The following IPCEF1 variants were observed in gnomAD, a reference collection of about 807,000 sequenced individuals.
The protein encoded by IPCEF1 is interactor protein for cytohesin exchange factors 1.
Under a neutral mutation model 50.9 loss-of-function variants are expected in IPCEF1, and 31 were observed. The observed-to-expected ratio is 0.61, with a 90% confidence interval of 0.46 to 0.82. The LOEUF is 0.82. Among genes scored for constraint, IPCEF1 ranks in the 40% least tolerant of loss-of-function variants. The pLI is 0.00. For synonymous variants in IPCEF1, 181 were observed against 192.0 expected (o/e 0.94, Z 0.47); for missense variants, 458 against 514.0 (o/e 0.89, Z 1.05).
At chr6:154,225,090 T>C (rs939903392) in intron 5 of IPCEF1, among the ~76,000 whole-genome samples, 1 of 152,186 alleles carries the variant, frequency 6.6e-6, no homozygotes, top group African/African-American at 2.4e-5. Flanking sequence ...AAGTGCCTTA[T>C]ATTTCAGAAT....
intron 2 of IPCEF1, 89 bp from the exon 3 acceptor site, chr6:154,266,053 C>A: frequency 1.4e-6 from 1 of 737,568 alleles, no homozygotes; most frequent in Non-Finnish European, 2.3e-6. Flanking sequence ...GAAAATACTT[C>A]TATTGTGATT....
At chr6:154,320,027 C>T (rs905263732) in intron 1 of IPCEF1, among the ~76,000 whole-genome samples, 1 of 152,160 alleles carries the variant, frequency 6.6e-6, no homozygotes, top group African/African-American at 2.4e-5. Context: ...AGAATATTCC[C>T]TTCCGAGCAC....
chr6:154,204,109 G>A (rs774053131), intron 9 of IPCEF1, among the ~76,000 whole-genome samples: 31 of 152,052 alleles, frequency 2.0e-4, no homozygotes, highest in South Asian at 4.1e-4. Context: ...AAAAATCTTC[G>A]TTCTAGTTAA....
intron 1 of IPCEF1, among the ~76,000 whole-genome samples, chr6:154,293,541 A>G (rs568381656): frequency 6.6e-6 from 1 of 152,372 alleles, no homozygotes; most frequent in South Asian, 2.1e-4. Context: ...AAGAGCAATT[A>G]GAGCCATTTA....
At chr6:154,251,202 T>C (rs1168908140) in intron 3 of IPCEF1, among the ~76,000 whole-genome samples, 1 of 152,070 alleles carries the variant, frequency 6.6e-6, no homozygotes, top group Non-Finnish European at 1.5e-5. Flanking sequence ...GTCATAGTAG[T>C]GGATAATGAA....
intron 11 of IPCEF1, among the ~76,000 whole-genome samples, chr6:154,162,767 C>G (rs1799127632): frequency 6.6e-6 from 1 of 152,160 alleles, no homozygotes; most frequent in Non-Finnish European, 1.5e-5. Context: ...CTGAGGGTCC[C>G]AAGTTTATAT....
rs552026217 is a variant in IPCEF1 at position 154,270,703 on chromosome 6, C to T, written c.-17-4739G>A. Among the ~76,000 whole-genome samples, 7 of 152,258 alleles carry T rather than the reference C, an allele frequency of 4.6e-5. No individual in the cohort carries two copies. The East Asian group carries it at 7.7e-4, about 17-fold the overall frequency. ...TTAAATATGTATTCTTGGCCAGGTACGGTGGCTCACGCCTCTAATCCCAGC... is the reference window on the plus strand; with the variant it reads ...TTAAATATGTATTCTTGGCCAGGTATGGTGGCTCACGCCTCTAATCCCAGC... On this transcript the variant is annotated intron_variant, in intron 2 of 11. Coordinates refer to ENST00000367220, the MANE Select transcript of IPCEF1 (RefSeq NM_001130700.2).
At chr6:154,338,481 G>C (rs1201766461) in intron 1 of IPCEF1, among the ~76,000 whole-genome samples, 4 of 152,164 alleles carry the variant, frequency 2.6e-5, no homozygotes, top group Admixed American at 6.5e-5. Flanking sequence ...ATGAGCATAT[G>C]TTTGAAAAGA....
At chr6:154,282,231 A>G (rs1782235606) in intron 2 of IPCEF1, among the ~76,000 whole-genome samples, 1 of 152,246 alleles carries the variant, frequency 6.6e-6, no homozygotes, top group Non-Finnish European at 1.5e-5. Context: ...TCTGACAAAC[A>G]CATTAACAGC....
At chr6:154,260,357 T>C (rs1449593393) in intron 3 of IPCEF1, among the ~76,000 whole-genome samples, 1 of 152,220 alleles carries the variant, frequency 6.6e-6, no homozygotes, top group Non-Finnish European at 1.5e-5. Flanking sequence ...ACAGGAACTA[T>C]GTATAACAGT....
intron 10 of IPCEF1, among the ~76,000 whole-genome samples, chr6:154,191,593 G>C (rs574747985): frequency 6.6e-6 from 1 of 152,088 alleles, no homozygotes; most frequent in African/African-American, 2.4e-5. Flanking sequence ...AGAATCGCTT[G>C]AACCCAGGAG....
At chr6:154,265,129 C>T (rs551826449) in intron 3 of IPCEF1, among the ~76,000 whole-genome samples, 75 of 152,232 alleles carry the variant, frequency 4.9e-4, no homozygotes, top group African/African-American at 1.6e-3. Context: ...TTAGAAATGC[C>T]GTGTTACTAA....
intron 10 of IPCEF1, among the ~76,000 whole-genome samples, chr6:154,186,904 C>A (rs565349120): frequency 1.5e-4 from 23 of 152,260 alleles, no homozygotes; most frequent in African/African-American, 5.5e-4. Context: ...CTCCTCCCTG[C>A]AGAGGGAACC....
intron 2 of IPCEF1, among the ~76,000 whole-genome samples, chr6:154,275,164 G>T (rs1432784554): frequency 6.6e-6 from 1 of 152,182 alleles, no homozygotes; most frequent in Admixed American, 6.5e-5. Flanking sequence ...ACTTCTAGGA[G>T]CCAGTTACTC....
chr6:154,342,643 C>G (rs1486814065), intron 1 of IPCEF1, among the ~76,000 whole-genome samples: 1 of 152,164 alleles, frequency 6.6e-6, no homozygotes, highest in African/African-American at 2.4e-5. Flanking sequence ...GAGGGGGAGG[C>G]AGGCAAGGCT....
At chr6:154,339,111 T>C (rs188100595) in intron 1 of IPCEF1, among the ~76,000 whole-genome samples, 184 of 152,252 alleles carry the variant, frequency 1.2e-3, no homozygotes, top group African/African-American at 4.3e-3. Context: ...CACCTGTAAC[T>C]GCTGCTAATC....
At position 154,246,580 on chromosome 6, in the gene IPCEF1, A is replaced by G. The variant is rs181045746; in HGVS notation, c.246+11T>C. On this transcript the variant is annotated intron_variant, in intron 5 of 11. Transcript: ENST00000367220. ...AAACGGCTGGGAATAGGAGGAAGAA[A>G]GCAGACTCACCATTTGATTGCTATA... 1 of 1,605,646 alleles carries G rather than the reference A, an allele frequency of 6.2e-7. No individual in the cohort carries two copies. Among genetic ancestry groups the G allele is most frequent in the East Asian group, 2.2e-5 (1 of 44,780 alleles).
At chr6:154,329,949 G>A (rs11754146) in intron 1 of IPCEF1, 7,736 of 152,434 alleles carry the variant, frequency 0.051, 263 homozygotes, top group Non-Finnish European at 0.073. Flanking sequence ...TCTGGCCTCC[G>A]TGCTGTCCAA....
intron 10 of IPCEF1, among the ~76,000 whole-genome samples, chr6:154,187,393 T>A (rs1319121353): frequency 6.6e-6 from 1 of 152,226 alleles, no homozygotes; most frequent in African/African-American, 2.4e-5. Flanking sequence ...TCTGTAGGGC[T>A]GTTTATTTTG....
Sources: gnomAD v4.1 joint callset for allele counts (sites outside exome capture counted in the v4.1 genomes callset) on GRCh38, gnomAD v4.1.1 for gene constraint, MANE v1.5 for transcripts, NCBI Gene and HGNC (gene_info 2026-07-23, HGNC 2026-07-21) for gene names.